MEGF11: variants seen among roughly 807,000 people sequenced by gnomAD.
The protein encoded by MEGF11 is multiple epidermal growth factor-like domains protein 11.
MEGF11 carries 126 observed loss-of-function variants against 146.6 expected under a neutral mutation model. The ratio of observed to expected loss-of-function variants is 0.86; its 90% CI spans 0.74 to 1.00. The LOEUF is 1.00. Ranked by LOEUF, MEGF11 falls within the 50% of genes least tolerant of loss-of-function variation. The probability of loss-of-function intolerance (pLI) is 0.00; values close to 1 mark genes in which losing one functional copy is unlikely to be tolerated. For missense variants in MEGF11, 1,509 were observed against 1,521.2 expected (o/e 0.99, Z 0.13); for synonymous variants, 532 against 583.4 (o/e 0.91, Z 1.27).
intron 5 of MEGF11, among the ~76,000 whole-genome samples, chr15:66,043,470 A>G (rs901401190): frequency 6.6e-6 from 1 of 152,274 alleles, no homozygotes; most frequent in Admixed American, 6.5e-5. Flanking sequence ...TGCGTGGCCC[A>G]GAGGCCCTTC....
chr15:66,241,676 A>C (rs2092213268), intron 1 of MEGF11, among the ~76,000 whole-genome samples: 2 of 152,150 alleles, frequency 1.3e-5, no homozygotes, highest in South Asian at 4.1e-4. Context: ...TGCACTGTGA[A>C]GCTTCCTGAA....
chr15:65,957,770 C>G, intron 9 of MEGF11, 49 bp from the exon 10 acceptor site: 1 of 1,585,940 alleles, frequency 6.3e-7, no homozygotes, highest in Non-Finnish European at 8.6e-7. Context: ...TGGGAAGCAG[C>G]CATGTCCCCG....
intron 4 of MEGF11, among the ~76,000 whole-genome samples, chr15:66,106,819 G>A (rs547893513): frequency 1.0e-3 from 154 of 152,236 alleles, no homozygotes; most frequent in African/African-American, 3.5e-3. Context: ...CATCTGCAGC[G>A]TCAAATGAGG....
intron 5 of MEGF11, among the ~76,000 whole-genome samples, chr15:66,081,876 G>A (rs768348534): frequency 4.6e-5 from 7 of 152,170 alleles, no homozygotes; most frequent in African/African-American, 7.2e-5. Context: ...GGTGGGACCT[G>A]TGTCGAGTCT....
intron 1 of MEGF11, among the ~76,000 whole-genome samples, chr15:66,191,369 A>G (rs889765000): frequency 2.0e-5 from 3 of 152,210 alleles, no homozygotes; most frequent in East Asian, 1.9e-4. Flanking sequence ...AGGGGTTTCA[A>G]TGGATGCTCT....
intron 5 of MEGF11, among the ~76,000 whole-genome samples, chr15:66,085,193 G>C (rs1024252446): frequency 6.6e-6 from 1 of 152,124 alleles, no homozygotes; most frequent in Non-Finnish European, 1.5e-5. Flanking sequence ...AAGAGTCTGA[G>C]CTCAGACATG....
intron 5 of MEGF11, among the ~76,000 whole-genome samples, chr15:66,067,223 C>A (rs1174884177): frequency 6.6e-6 from 1 of 152,174 alleles, no homozygotes; most frequent in Non-Finnish European, 1.5e-5. Context: ...TTTGATGACA[C>A]CTCAGATCCA....
At chr15:66,220,526 G>GTTTT (rs33968918) in intron 1 of MEGF11, among the ~76,000 whole-genome samples, 1 of 115,128 alleles carries the variant, frequency 8.7e-6, no homozygotes, top group South Asian at 3.0e-4. Context: ...GTTTCGTTGG[G>GTTTT]TTTTTTTTTT....
intron 1 of MEGF11, among the ~76,000 whole-genome samples, chr15:66,131,223 C>T (rs182608355): frequency 2.0e-5 from 3 of 152,348 alleles, no homozygotes; most frequent in South Asian, 2.1e-4. Context: ...GCCCAGGAGG[C>T]GTACCTCTCA....
At chr15:66,010,467 A>G (rs2140109500) in intron 5 of MEGF11, among the ~76,000 whole-genome samples, 2 of 152,288 alleles carry the variant, frequency 1.3e-5, no homozygotes, top group South Asian at 4.1e-4. Flanking sequence ...TGCTGGGATT[A>G]CAGGCATGAC....
intron 5 of MEGF11, among the ~76,000 whole-genome samples, chr15:66,017,086 CACAGCCCGGGTG>C (rs2082914044): frequency 6.6e-6 from 1 of 152,206 alleles, no homozygotes; most frequent in Non-Finnish European, 1.5e-5. Context: ...GCTGGAGAAG[CACAGCCCGGGTG>C]AGTGCGATCG....
intron 24 of MEGF11, chr15:65,905,441 AAGTGACAG>A (rs1257666679): frequency 6.6e-6 from 1 of 152,216 alleles, no homozygotes; most frequent in East Asian, 1.9e-4. Context: ...ACAGAGTGGC[AAGTGACAG>A]AGTTCCAAAG....
chr15:66,111,990 G>C (rs972472808), intron 4 of MEGF11, among the ~76,000 whole-genome samples: 1 of 151,612 alleles, frequency 6.6e-6, no homozygotes, highest in African/African-American at 2.4e-5. Flanking sequence ...GAAACCATTA[G>C]AGTGCCCGAC....
At chr15:66,223,565 A>C (rs2091783388) in intron 1 of MEGF11, among the ~76,000 whole-genome samples, 1 of 152,138 alleles carries the variant, frequency 6.6e-6, no homozygotes, top group South Asian at 2.1e-4. Context: ...TCTCCTAAAA[A>C]TACCAAAATT....
intron 7 of MEGF11, among the ~76,000 whole-genome samples, chr15:65,979,658 AG>A (rs969470232): frequency 6.6e-6 from 1 of 152,218 alleles, no homozygotes; most frequent in African/African-American, 2.4e-5. Flanking sequence ...ACTGACAGGC[AG>A]GGTATGTTGG....
In MEGF11 at chr15:65,948,119, G is replaced by A. The variant is rs368233405; in HGVS notation, c.1287+9428C>T. The stretch of plus-strand genomic sequence containing the variant: ...TGGTGACTCCCTTTGTGCCCCCACC[G>A]ACCTGCCACCCCCACCATCCCTCCC... On this transcript the variant is annotated intron_variant, in intron 10 of 25. Coordinates refer to ENST00000395614, the MANE Select transcript of MEGF11 (RefSeq NM_001385028.1). 8.8e-5 allele frequency among the ~76,000 whole-genome samples: 13 copies of A among 147,968 alleles called. No individual in the cohort carries two copies. The East Asian group carries it at 2.1e-3, about 24-fold the overall frequency.
At chr15:66,221,153 G>A (rs985855563) in intron 1 of MEGF11, among the ~76,000 whole-genome samples, 9 of 152,090 alleles carry the variant, frequency 5.9e-5, no homozygotes, top group Admixed American at 3.3e-4. Context: ...GGATGGTGCT[G>A]GCCTGAGTCC....
chr15:66,153,878 G>A (rs915716031), intron 1 of MEGF11, among the ~76,000 whole-genome samples: 3 of 152,122 alleles, frequency 2.0e-5, no homozygotes, highest in Non-Finnish European at 2.9e-5. Flanking sequence ...ACACGGGCTC[G>A]TGCATATTAA....
In MEGF11 at chr15:66,154,593, T is replaced by C. The variant is rs139970759; in HGVS notation, c.-8-26182A>G. On this transcript the variant is annotated intron_variant, in intron 1 of 25. Coordinates refer to ENST00000395614, the MANE Select transcript of MEGF11 (RefSeq NM_001385028.1). ...AGTTATTAACTTTTATTTACTGGGA[T>C]TGTATTTATTTTCCTAGAATGAAAG... Among the ~76,000 whole-genome samples the C allele has an allele frequency of 2.0e-3, 303 of 152,302 alleles. 1 individual carries two copies. The highest frequency in any genetic ancestry group is 7.0e-3 in the African/African-American group (290 of 41,558).
Sources: allele counts gnomAD v4.1 joint callset (sites outside exome capture counted in the v4.1 genomes callset), GRCh38; gene constraint gnomAD v4.1.1; transcripts MANE v1.5; gene names NCBI Gene and HGNC (gene_info 2026-07-23, HGNC 2026-07-21).